CEPT1: variants seen among roughly 807,000 people sequenced by gnomAD.
CEPT1 encodes the protein choline/ethanolaminephosphotransferase 1.
In CEPT1, 7 loss-of-function variants were observed where a neutral mutation model predicts 42.6. That is an observed-to-expected ratio of 0.16 (90% confidence interval 0.09 to 0.31). CEPT1 has a LOEUF of 0.31. CEPT1 is among the 10% of genes least tolerant of loss of function. The pLI, the probability that CEPT1 is intolerant of heterozygous loss-of-function variation, is 1.00. For synonymous variants in CEPT1, 171 were observed against 171.9 expected, an observed-to-expected ratio of 0.99 and a Z score of 0.04; for missense variants, 306 against 502.1, an observed-to-expected ratio of 0.61 and a Z score of 3.73.
intron 2 of CEPT1, among the ~76,000 whole-genome samples, chr1:111,154,078 A>C (rs536041191): frequency 6.6e-6 from 1 of 152,014 alleles, no homozygotes; most frequent in Non-Finnish European, 1.5e-5. Context: ...ATTCATGGAC[A>C]TGGGATGACT....
intron 1 of CEPT1, among the ~76,000 whole-genome samples, chr1:111,145,173 G>A (rs776912993): frequency 1.4e-4 from 21 of 151,994 alleles, no homozygotes; most frequent in Admixed American, 4.6e-4. Flanking sequence ...CTGCCACCAC[G>A]CCCATCTAAT....
chr1:111,150,625 A>G (rs972027881), intron 2 of CEPT1, among the ~76,000 whole-genome samples: 3 of 152,146 alleles, frequency 2.0e-5, no homozygotes, highest in African/African-American at 7.2e-5. Flanking sequence ...AACTTCCCAT[A>G]TATTTTTTAT....
At chr1:111,168,047 T>A (rs1656224630) in intron 4 of CEPT1, 5 of 155,050 alleles carry the variant, frequency 3.2e-5, no homozygotes, top group Non-Finnish European at 5.6e-5. Context: ...AATTTTAAAT[T>A]TTTTTTTTGT....
chr1:111,162,376 A>G (rs1297758259), intron 4 of CEPT1, among the ~76,000 whole-genome samples: 1 of 152,210 alleles, frequency 6.6e-6, no homozygotes, highest in African/African-American at 2.4e-5. Flanking sequence ...GAGACTTTTG[A>G]GGTAGAAACT....
intron 2 of CEPT1, among the ~76,000 whole-genome samples, chr1:111,148,891 G>A (rs325923): frequency 0.44 from 66,953 of 152,058 alleles, 15,549 homozygotes; most frequent in African/African-American, 0.6. Context: ...TGGTAATTCA[G>A]GACAGTAGAA....
At chr1:111,169,432 A>G (rs1354562419) in intron 4 of CEPT1, among the ~76,000 whole-genome samples, 1 of 152,062 alleles carries the variant, frequency 6.6e-6, no homozygotes. Flanking sequence ...TTGTTTGTCT[A>G]TGATAACAAA....
At chr1:111,156,132 T>C (rs76767265) in intron 2 of CEPT1, among the ~76,000 whole-genome samples, 2 of 152,344 alleles carry the variant, frequency 1.3e-5, no homozygotes, top group East Asian at 3.9e-4. Flanking sequence ...AAAAATGATT[T>C]ACTTCTTAAT....
At position 111,184,175 on chromosome 1, in the gene CEPT1, T is replaced by C; in HGVS notation, c.1132-16T>C. The C allele has an allele frequency of 6.2e-7, 1 of 1,612,750 alleles. No individual in the cohort carries two copies. Among genetic ancestry groups the C allele is most frequent in the East Asian group, 2.2e-5 (1 of 44,846 alleles). On this transcript the variant is annotated splice_polypyrimidine_tract_variant and intron_variant, in intron 8 of 8. Coordinates refer to ENST00000357172, the MANE Select transcript of CEPT1 (RefSeq NM_006090.5). ...AGAGCCTAAACGGGTGCTGAGAATGTCTCTTTTCTTTCCAGGTTTTCTCTT... is the reference window on the plus strand; with the variant it reads ...AGAGCCTAAACGGGTGCTGAGAATGCCTCTTTTCTTTCCAGGTTTTCTCTT...
chr1:111,182,307 TCAA>T lies in CEPT1; in HGVS notation c.839_841del (p.Thr280del). Reference sequence around the variant, plus strand: ...CACAGGTGGTGTTGGCAAAAATGGATCAACAATAGCAGTAAGTATACCTTAAGA... The same window carrying T: ...CACAGGTGGTGTTGGCAAAAATGGATCAATAGCAGTAAGTATACCTTAAGA... On this transcript the variant is annotated inframe_deletion, in exon 6 of 9. Transcript: ENST00000357172. 2 of 1,612,954 alleles carry T rather than the reference TCAA, an allele frequency of 1.2e-6. No individual in the cohort carries two copies. Among genetic ancestry groups the T allele is most frequent in the Non-Finnish European group, 1.7e-6 (2 of 1,179,424 alleles).
At chr1:111,167,068 G>A in intron 4 of CEPT1, 3 of 972,300 alleles carry the variant, frequency 3.1e-6, no homozygotes, top group Non-Finnish European at 3.7e-6. Flanking sequence ...AAAGTTCTGA[G>A]TAAAGTTATT....
intron 1 of CEPT1, among the ~76,000 whole-genome samples, chr1:111,146,719 T>C (rs1430394776): frequency 6.6e-6 from 1 of 152,184 alleles, no homozygotes; most frequent in African/African-American, 2.4e-5. Flanking sequence ...CTCTAATCTT[T>C]TCTAAATGAA....
intron 5 of CEPT1, among the ~76,000 whole-genome samples, chr1:111,175,432 C>A (rs10494128): frequency 3.9e-5 from 6 of 152,128 alleles, no homozygotes; most frequent in Non-Finnish European, 7.4e-5. Flanking sequence ...CGAGCTTGGA[C>A]CTTGATTTCC....
At chr1:111,181,988 G>C (rs1657016804) in intron 5 of CEPT1, 199 bp from the exon 6 acceptor site, 3 of 366,162 alleles carry the variant, frequency 8.2e-6, no homozygotes, top group Non-Finnish European at 1.5e-5. Flanking sequence ...GCTGAAGTGA[G>C]ATTAATTTCT....
At chr1:111,142,585 G>T (rs1270059839) in intron 1 of CEPT1, among the ~76,000 whole-genome samples, 3 of 152,170 alleles carry the variant, frequency 2.0e-5, no homozygotes, top group Admixed American at 6.5e-5. Flanking sequence ...AACCCAGGAG[G>T]AGGGGTTTGT....
rs149282482 is a variant in CEPT1 at position 111,182,653 on chromosome 1, T to A, written c.847-146T>A. 7.5e-4 allele frequency: 532 copies of A among 704,808 alleles called. 3 individuals are homozygous for A. In the African/African-American group the frequency reaches 8.8e-3, roughly 12 times the overall value. 43.7% of individuals were successfully genotyped at this position (704,808 alleles called of 1,614,324 possible). The stretch of plus-strand genomic sequence containing the variant: ...TGCTGCTACTTTTCATTAGCTCTTC[T>A]AGTTTGTGATTTATAGAAATTGCTG... On this transcript the variant is annotated intron_variant, in intron 6 of 8. Coordinates refer to ENST00000357172, the MANE Select transcript of CEPT1 (RefSeq NM_006090.5).
At chr1:111,139,794 C>T (rs993104611), upstream of CEPT1, 2 of 152,842 alleles carry the variant, frequency 1.3e-5, no homozygotes, top group African/African-American at 4.8e-5. Flanking sequence ...CAGCTGCACT[C>T]ATCCCCGCCC....
intron 1 of CEPT1, 70 bp from the exon 2 acceptor site, chr1:111,147,572 A>C (rs939486772): frequency 7.4e-6 from 4 of 544,164 alleles, no homozygotes; most frequent in Non-Finnish European, 1.2e-5. Flanking sequence ...TAATTTGTTA[A>C]TATTGGCATA....
At chr1:111,158,963 G>C (rs1472358127) in intron 2 of CEPT1, among the ~76,000 whole-genome samples, 5 of 130,220 alleles carry the variant, frequency 3.8e-5, no homozygotes, top group Non-Finnish European at 7.8e-5. Flanking sequence ...GCCCAGGCTG[G>C]AGTGCAGTGG....
intron 3 of CEPT1, chr1:111,159,737 C>A: frequency 2.5e-6 from 1 of 395,404 alleles, no homozygotes; most frequent in Non-Finnish European, 4.4e-6. Context: ...ATTTTTAGCC[C>A]CAAATATTGT....
Sources: gnomAD v4.1 joint callset for allele counts (sites outside exome capture counted in the v4.1 genomes callset) on GRCh38, gnomAD v4.1.1 for gene constraint, MANE v1.5 for transcripts, NCBI Gene and HGNC (gene_info 2026-07-23, HGNC 2026-07-21) for gene names.